SRL: variants seen among roughly 807,000 people sequenced by gnomAD.
SRL encodes sarcalumenin.
In SRL, 23 loss-of-function variants were observed where a neutral mutation model predicts 39.5. The observed-to-expected ratio is 0.58, with a 90% CI of 0.42 to 0.82. The LOEUF (loss-of-function observed/expected upper bound fraction) is 0.82. Ranked by LOEUF, SRL falls within the 40% of genes least tolerant of loss-of-function variation. The probability of loss-of-function intolerance (pLI) is 0.00; values close to 1 mark genes in which losing one functional copy is unlikely to be tolerated. For missense variants in SRL, 592 were observed against 607.8 expected (o/e 0.97, Z 0.27); for synonymous variants, 272 against 237.4 (o/e 1.15, Z -1.34).
At chr16:4,207,878 G>A (rs1308274153) in intron 1 of SRL, 1 of 456,620 alleles carries the variant, frequency 2.2e-6, no homozygotes. Context: ...CATTGGAGAG[G>A]CTGGCTTCAG....
chr16:4,190,119 T>G lies in SRL; in HGVS notation c.*2034A>C, dbSNP rs1285617041. On this transcript the variant is annotated 3_prime_UTR_variant, in exon 6 of 6. Coordinates refer to ENST00000399609, the MANE Select transcript of SRL (RefSeq NM_001098814.2). ...ACATTGTCCTGAGTGCCCTGGAACCTCGGGTGTTCTTGTGGAAGGGTCCAG... is the reference window on the plus strand; with the variant it reads ...ACATTGTCCTGAGTGCCCTGGAACCGCGGGTGTTCTTGTGGAAGGGTCCAG... The G allele has an allele frequency of 1.3e-5, 5 of 397,242 alleles. No individual in the cohort carries two copies. Among genetic ancestry groups the G allele is most frequent in the Admixed American group, 4.4e-5 (1 of 22,694 alleles). The allele number at this position is 397,242 out of a possible 1,614,324, so 24.6% of individuals were successfully genotyped here.
intron 1 of SRL, among the ~76,000 whole-genome samples, chr16:4,230,586 A>T (rs2052649454): frequency 6.7e-6 from 1 of 150,196 alleles, no homozygotes; most frequent in East Asian, 2.0e-4. Context: ...ACGGGGTTTC[A>T]CCATGTTGGC....
chr16:4,229,853 T>A (rs1430770406), intron 1 of SRL, among the ~76,000 whole-genome samples: 1 of 152,088 alleles, frequency 6.6e-6, no homozygotes, highest in African/African-American at 2.4e-5. Flanking sequence ...TCCTGCACCA[T>A]CTCCTGCTTG....
chr16:4,233,895 G>A (rs938198860), intron 1 of SRL, among the ~76,000 whole-genome samples: 1 of 151,962 alleles, frequency 6.6e-6, no homozygotes, highest in Non-Finnish European at 1.5e-5. Context: ...CAGCCTAAAG[G>A]GGGACTCCCT....
Position 4,190,546 on chromosome 16 carries a change from C to A in SRL, c.*1607G>T. ...CCTGCAGGTCCTGCCCCTCTGCTCCCCACCACCTGCTGTGGAGCCGTGCAT... is the reference window on the plus strand; with the variant it reads ...CCTGCAGGTCCTGCCCCTCTGCTCCACACCACCTGCTGTGGAGCCGTGCAT... On this transcript the variant is annotated 3_prime_UTR_variant, in exon 6 of 6. Coordinates refer to ENST00000399609, the MANE Select transcript of SRL (RefSeq NM_001098814.2). 2.5e-6 allele frequency: 1 copy of A among 398,754 alleles called. No individual in the cohort carries two copies. The highest frequency in any genetic ancestry group is 1.3e-4 in the South Asian group (1 of 7,600). 24.7% of individuals were successfully genotyped at this position (398,754 alleles called of 1,614,324 possible).
At chr16:4,224,445 C>G (rs1454060102) in intron 1 of SRL, among the ~76,000 whole-genome samples, 1 of 152,058 alleles carries the variant, frequency 6.6e-6, no homozygotes. Context: ...GTGGTTCATG[C>G]CTGTAATCCC....
At chr16:4,203,315 C>A in intron 2 of SRL, 54 bp from the exon 3 acceptor site, 1 of 1,514,432 alleles carries the variant, frequency 6.6e-7, no homozygotes, top group South Asian at 1.1e-5. Context: ...ATCCAGGCAG[C>A]TCCTCCATTG....
chr16:4,227,209 G>T (rs545883341), intron 1 of SRL, among the ~76,000 whole-genome samples: 18 of 151,106 alleles, frequency 1.2e-4, no homozygotes, highest in African/African-American at 4.2e-4. Flanking sequence ...TAGATGGGTG[G>T]ATGGGTGGAT....
At chr16:4,209,963 A>C (rs950704856) in intron 1 of SRL, among the ~76,000 whole-genome samples, 1 of 152,136 alleles carries the variant, frequency 6.6e-6, no homozygotes, top group African/African-American at 2.4e-5. Flanking sequence ...TTCCTGCTGG[A>C]ATCTCAGCTC....
chr16:4,215,568 G>C (rs1006004), intron 1 of SRL, among the ~76,000 whole-genome samples: 6,207 of 152,260 alleles, frequency 0.041, 386 homozygotes, highest in African/African-American at 0.14. Flanking sequence ...GTAGGCAGCA[G>C]TCTGCTTCTA....
chr16:4,235,361 C>A (rs1478396057), intron 1 of SRL, among the ~76,000 whole-genome samples: 9 of 152,258 alleles, frequency 5.9e-5, no homozygotes, highest in African/African-American at 2.4e-5. Context: ...ATGAAGGGGA[C>A]CTGAGGCTGG....
At chr16:4,211,793 AG>A (rs1567181667) in intron 1 of SRL, among the ~76,000 whole-genome samples, 1 of 152,064 alleles carries the variant, frequency 6.6e-6, no homozygotes, top group Non-Finnish European at 1.5e-5. Context: ...GCTGATGATG[AG>A]GATCGTGATG....
At chr16:4,238,958 G>A (rs1344928160) in intron 1 of SRL, among the ~76,000 whole-genome samples, 2 of 152,116 alleles carry the variant, frequency 1.3e-5, no homozygotes, top group African/African-American at 4.8e-5. Context: ...TCATTAGCAA[G>A]ACCCAGTCTA....
chr16:4,209,128 G>T (rs2052361914), intron 1 of SRL, among the ~76,000 whole-genome samples: 1 of 152,072 alleles, frequency 6.6e-6, no homozygotes, highest in Non-Finnish European at 1.5e-5. Flanking sequence ...TGAAAAATTA[G>T]CTGGGTGTGG....
At chr16:4,194,596 G>C (rs554851675) in intron 5 of SRL, among the ~76,000 whole-genome samples, 54 of 152,282 alleles carry the variant, frequency 3.5e-4, no homozygotes, top group African/African-American at 1.2e-3. Context: ...GATCCAATTA[G>C]TCCAGGCCCT....
chr16:4,192,804 A>C lies in SRL; in HGVS notation c.771T>G (p.Ala257=). The C allele has an allele frequency of 6.2e-7, 1 of 1,614,224 alleles. No individual in the cohort carries two copies. The highest frequency in any genetic ancestry group is 1.3e-5 in the African/African-American group (1 of 75,054). Residue 257 remains alanine, a synonymous_variant, in exon 6 of 6, where the codon GCT becomes GCG. Coordinates refer to ENST00000399609, the MANE Select transcript of SRL (RefSeq NM_001098814.2). The surrounding 1 kb of genome is among the most constrained non-coding windows in gnomAD (Gnocchi z 4.0). ...ESQIRIILNK[A]DNLATQMLMR... Reference sequence around the variant, plus strand: ...TGAGCATTTGGGTGGCCAGATTGTCAGCCTTGTTCAGGATGATCCTTATCT... The same window carrying C: ...TGAGCATTTGGGTGGCCAGATTGTCCGCCTTGTTCAGGATGATCCTTATCT...
chr16:4,231,500 G>GGGCCCACAT (rs1389140159), intron 1 of SRL, among the ~76,000 whole-genome samples: 8 of 152,034 alleles, frequency 5.3e-5, no homozygotes, highest in African/African-American at 1.9e-4. Flanking sequence ...CACCATCCTG[G>GGGCCCACAT]GGCCCACATG....
chr16:4,217,584 G>A (rs1346310117), intron 1 of SRL, among the ~76,000 whole-genome samples: 3 of 151,822 alleles, frequency 2.0e-5, no homozygotes, highest in African/African-American at 4.8e-5. Flanking sequence ...CCCACCCCCC[G>A]CTGTCTTACT....
intron 1 of SRL, among the ~76,000 whole-genome samples, chr16:4,228,699 C>T (rs980864733): frequency 1.3e-5 from 2 of 151,586 alleles, no homozygotes; most frequent in Non-Finnish European, 2.9e-5. Flanking sequence ...CATGCCACTG[C>T]ACTCCAGCCT....
Sources: allele counts gnomAD v4.1 joint callset (sites outside exome capture counted in the v4.1 genomes callset), GRCh38; gene constraint gnomAD v4.1.1; non-coding constraint Gnocchi (gnomAD v3.1); transcripts MANE v1.5; gene names NCBI Gene and HGNC (gene_info 2026-07-23, HGNC 2026-07-21).